ITGB5: variants seen among roughly 807,000 people sequenced by gnomAD.
ITGB5 encodes the protein integrin beta-5.
A neutral mutation model predicts 84.8 loss-of-function variants in ITGB5; 38 were observed. The ratio of observed to expected loss-of-function variants is 0.45; its 90% CI spans 0.35 to 0.59. The LOEUF (loss-of-function observed/expected upper bound fraction) is 0.59. ITGB5 is among the 20% of genes least tolerant of loss of function. ITGB5 has a pLI of 0.01. For synonymous variants in ITGB5, 393 were observed against 414.4 expected (o/e 0.95, Z 0.63); for missense variants, 905 against 1,034.5 (o/e 0.87, Z 1.72).
At chr3:124,842,510 G>A (rs1385630593) in intron 4 of ITGB5, among the ~76,000 whole-genome samples, 3 of 152,232 alleles carry the variant, frequency 2.0e-5, no homozygotes, top group African/African-American at 7.2e-5. Context: ...CAAGAGTCCT[G>A]TGGCAGAAGG....
chr3:124,853,144 T>C (rs1199438813), intron 3 of ITGB5, among the ~76,000 whole-genome samples: 1 of 152,194 alleles, frequency 6.6e-6, no homozygotes, highest in African/African-American at 2.4e-5. Context: ...CCAAAATAAA[T>C]GCAAATGGTT....
chr3:124,890,940 T>A (rs530246666), upstream of ITGB5, among the ~76,000 whole-genome samples: 3 of 152,228 alleles, frequency 2.0e-5, no homozygotes, highest in East Asian at 3.9e-4. Context: ...ATCTACTCAT[T>A]AAATTCAGTA....
At chr3:124,891,860 C>T (rs1237741016), upstream of ITGB5, among the ~76,000 whole-genome samples, 1 of 151,336 alleles carries the variant, frequency 6.6e-6, no homozygotes. Flanking sequence ...TTGAGGCTGC[C>T]ATGAGCCATG....
chr3:124,867,714 C>A lies in ITGB5; in HGVS notation c.156+5732G>T, dbSNP rs115047211. 6.6e-3 allele frequency among the ~76,000 whole-genome samples: 1,003 copies of A among 152,308 alleles called. 19 individuals carry two copies. Among genetic ancestry groups the A allele is most frequent in the South Asian group, 0.036 (175 of 4,828 alleles). On this transcript the variant is annotated intron_variant, in intron 2 of 14. Coordinates refer to ENST00000296181, the MANE Select transcript of ITGB5 (RefSeq NM_002213.5). Reference sequence around the variant, plus strand: ...GGAAGAATGTGGGCTACCCCTAGGCCCTGCTTGAAAGCATCCGCACACTCT... The same window carrying A: ...GGAAGAATGTGGGCTACCCCTAGGCACTGCTTGAAAGCATCCGCACACTCT...
At chr3:124,804,409 A>C (rs931095667) in intron 9 of ITGB5, among the ~76,000 whole-genome samples, 2 of 152,088 alleles carry the variant, frequency 1.3e-5, no homozygotes, top group African/African-American at 4.8e-5. Context: ...TTAGCTGGGC[A>C]TGGTGGTGCA....
At chr3:124,868,425 C>A (rs145680699) in intron 2 of ITGB5, among the ~76,000 whole-genome samples, 1 of 151,672 alleles carries the variant, frequency 6.6e-6, no homozygotes, top group Non-Finnish European at 1.5e-5. Flanking sequence ...GAGAGTCTGG[C>A]GACTCTGGAT....
intron 2 of ITGB5, among the ~76,000 whole-genome samples, chr3:124,872,450 C>T (rs886099474): frequency 1.3e-5 from 2 of 152,086 alleles, no homozygotes; most frequent in Admixed American, 1.3e-4. Flanking sequence ...CTAGTAGAGT[C>T]CCCACATGAT....
intron 11 of ITGB5, 110 bp from the exon 12 acceptor site, chr3:124,769,223 G>T: frequency 1.3e-6 from 1 of 758,316 alleles, no homozygotes; most frequent in Non-Finnish European, 2.2e-6. Flanking sequence ...CTTCTTTCCA[G>T]CTGCAGATGT....
At chr3:124,775,675 A>C (rs190776574) in intron 10 of ITGB5, among the ~76,000 whole-genome samples, 1 of 152,276 alleles carries the variant, frequency 6.6e-6, no homozygotes, top group East Asian at 1.9e-4. Flanking sequence ...GTGACTGGAG[A>C]GGCAGGGTGG....
At chr3:124,875,376 C>T (rs1312736610) in intron 1 of ITGB5, among the ~76,000 whole-genome samples, 1 of 150,440 alleles carries the variant, frequency 6.6e-6, no homozygotes, top group Non-Finnish European at 1.5e-5. Flanking sequence ...ACTTGAGAGG[C>T]TGAGGCACGA....
intron 3 of ITGB5, among the ~76,000 whole-genome samples, chr3:124,848,786 ATTTTAT>A (rs1009077880): frequency 1.1e-4 from 5 of 46,290 alleles, no homozygotes; most frequent in African/African-American, 7.1e-4. Flanking sequence ...TTTTTATTTT[ATTTTAT>A]TTTTTTTGAG....
At chr3:124,864,666 G>C (rs2065359444) in intron 2 of ITGB5, among the ~76,000 whole-genome samples, 1 of 151,712 alleles carries the variant, frequency 6.6e-6, no homozygotes, top group African/African-American at 2.4e-5. Flanking sequence ...TACTTAATGG[G>C]TACTACGCTC....
rs2064182431 is a variant in ITGB5 at position 124,793,760 on chromosome 3, ACT to A, written c.1693+2626_1693+2627del. On this transcript the variant is annotated intron_variant, in intron 10 of 14. Transcript: ENST00000296181. ...ATCTAGCTAACACCAACCTATCATC[ACT>A]CTGCTGAGGAAAGCGTTGATCCCTG... is the stretch of plus-strand genomic sequence containing the variant. Among the ~76,000 whole-genome samples the A allele has an allele frequency of 5.9e-5, 9 of 152,168 alleles. No homozygotes were observed. In the South Asian group the frequency reaches 1.9e-3, roughly 32 times the overall value.
At chr3:124,886,163 C>A (rs1418533361) in intron 1 of ITGB5, among the ~76,000 whole-genome samples, 4 of 152,196 alleles carry the variant, frequency 2.6e-5, no homozygotes, top group South Asian at 2.1e-4. Context: ...ATCTCCACAG[C>A]CCCTGTCCTC....
At chr3:124,785,531 G>C (rs944381366) in intron 10 of ITGB5, among the ~76,000 whole-genome samples, 21 of 148,082 alleles carry the variant, frequency 1.4e-4, no homozygotes, top group African/African-American at 5.3e-4. Flanking sequence ...GTTGCAGTGA[G>C]CCAAGATCGT....
chr3:124,853,625 T>C (rs543210736), intron 3 of ITGB5, among the ~76,000 whole-genome samples: 9 of 152,230 alleles, frequency 5.9e-5, no homozygotes, highest in African/African-American at 2.2e-4. Flanking sequence ...GCAGAAGCAA[T>C]ACCTAAAAAC....
intron 3 of ITGB5, among the ~76,000 whole-genome samples, chr3:124,858,214 T>C (rs1051097737): frequency 1.3e-5 from 2 of 152,138 alleles, no homozygotes; most frequent in African/African-American, 4.8e-5. Context: ...ACTGTTTCTT[T>C]ATATTACATT....
chr3:124,890,611 C>G (rs1166217908), upstream of ITGB5, among the ~76,000 whole-genome samples: 3 of 152,152 alleles, frequency 2.0e-5, no homozygotes, highest in Non-Finnish European at 4.4e-5. Flanking sequence ...TGATCTGTCT[C>G]AGACTCAGAT....
At chr3:124,847,536 G>A (rs1035357283) in intron 4 of ITGB5, among the ~76,000 whole-genome samples, 1 of 152,140 alleles carries the variant, frequency 6.6e-6, no homozygotes. Flanking sequence ...TGTGGGAGCG[G>A]GCATGGCAAA....
Sources: gnomAD v4.1 joint callset for allele counts (sites outside exome capture counted in the v4.1 genomes callset) on GRCh38, gnomAD v4.1.1 for gene constraint, MANE v1.5 for transcripts, NCBI Gene and HGNC (gene_info 2026-07-23, HGNC 2026-07-21) for gene names.